Variants in KLHL1 observed in about 807,000 individuals in gnomAD.
KLHL1 encodes kelch like family member 1.
A neutral mutation model predicts 77.7 loss-of-function variants in KLHL1; 47 were observed. The observed-to-expected ratio is 0.60, with a 90% CI of 0.48 to 0.77. KLHL1 has a LOEUF of 0.77. Among genes scored for constraint, KLHL1 ranks in the 30% least tolerant of loss-of-function variants. The pLI, the probability that KLHL1 is intolerant of heterozygous loss-of-function variation, is 0.00. For missense variants in KLHL1, 925 were observed against 910.8 expected, an observed-to-expected ratio of 1.02 and a Z score of -0.20; for synonymous variants, 360 against 325.2, an observed-to-expected ratio of 1.11 and a Z score of -1.15.
At chr13:69,964,140 C>T (rs1884146968) in intron 2 of KLHL1, among the ~76,000 whole-genome samples, 1 of 152,098 alleles carries the variant, frequency 6.6e-6, no homozygotes, top group Non-Finnish European at 1.5e-5. Context: ...AACTCCTGGG[C>T]CCAAGCAATT....
intron 7 of KLHL1, among the ~76,000 whole-genome samples, chr13:69,762,629 C>T (rs1382443778): frequency 6.7e-6 from 1 of 150,004 alleles, no homozygotes; most frequent in Non-Finnish European, 1.5e-5. Flanking sequence ...TGGAACTGTG[C>T]ACCCATTGAA....
At chr13:69,808,976 G>T (rs1423653928) in intron 6 of KLHL1, among the ~76,000 whole-genome samples, 2 of 151,744 alleles carry the variant, frequency 1.3e-5, no homozygotes, top group South Asian at 4.2e-4. Context: ...AGAGATCAAA[G>T]ACTAATCCTT....
At chr13:70,075,779 A>G (rs1887256111) in intron 1 of KLHL1, among the ~76,000 whole-genome samples, 1 of 147,208 alleles carries the variant, frequency 6.8e-6, no homozygotes, top group Non-Finnish European at 1.5e-5. Flanking sequence ...ATATACATAT[A>G]TATGTATATA....
chr13:69,780,579 G>A (rs1193237445), intron 7 of KLHL1, among the ~76,000 whole-genome samples: 3 of 145,728 alleles, frequency 2.1e-5, no homozygotes, highest in African/African-American at 7.4e-5. Context: ...ATTGTATTAT[G>A]CTGATTTTTT....
intron 1 of KLHL1, among the ~76,000 whole-genome samples, chr13:70,050,980 A>G (rs932274676): frequency 6.6e-6 from 1 of 152,004 alleles, no homozygotes; most frequent in Non-Finnish European, 1.5e-5. Flanking sequence ...AATTTTAAAA[A>G]GAAATTAGCA....
intron 6 of KLHL1, among the ~76,000 whole-genome samples, chr13:69,838,398 T>C (rs1879113552): frequency 6.6e-6 from 1 of 151,808 alleles, no homozygotes; most frequent in Admixed American, 6.6e-5. Flanking sequence ...GAGGACAAAT[T>C]TTTGGAGATT....
At chr13:69,862,478 T>G (rs1880210719) in intron 5 of KLHL1, among the ~76,000 whole-genome samples, 1 of 152,112 alleles carries the variant, frequency 6.6e-6, no homozygotes, top group South Asian at 2.1e-4. Context: ...GTCTTAAACT[T>G]TGGTTTGTTG....
At chr13:69,857,139 A>T (rs1404010629) in intron 5 of KLHL1, among the ~76,000 whole-genome samples, 4 of 151,988 alleles carry the variant, frequency 2.6e-5, no homozygotes, top group Admixed American at 2.6e-4. Flanking sequence ...CATGACTTCT[A>T]TGCTGTAGAT....
intron 3 of KLHL1, among the ~76,000 whole-genome samples, chr13:69,957,221 C>A (rs1199101546): frequency 2.0e-5 from 3 of 151,624 alleles, no homozygotes; most frequent in Non-Finnish European, 4.4e-5. Context: ...GTCAATTTGA[C>A]ACATCTAAAC....
Position 69,975,659 on chromosome 13 carries a change from A to T in KLHL1, c.641T>A (p.Val214Asp), listed in dbSNP as rs1884524316. ...SYLKQQQLCD[V>D]ILIVGNRKIP... is the part of the protein sequence containing the mutation. Reference sequence around the variant, plus strand: ...CTTTCGGTTCCCAACAATCAGGATAACATCACAAAGTTGCTGCTGCTTCAA... The same window carrying T: ...CTTTCGGTTCCCAACAATCAGGATATCATCACAAAGTTGCTGCTGCTTCAA... The change falls in exon 2 of 11, where the codon GTT becomes GAT. Residue 214 changes from valine (V) to aspartate (D), a missense_variant. Physicochemically the swap from Val to Asp is radical, Grantham distance 152. Transcript: ENST00000377844. 1 of 1,613,500 alleles carries T rather than the reference A, an allele frequency of 6.2e-7. No homozygotes were observed. The highest frequency in any genetic ancestry group is 1.3e-5 in the African/African-American group (1 of 74,878).
intron 4 of KLHL1, among the ~76,000 whole-genome samples, chr13:69,916,636 T>C (rs1294707640): frequency 6.6e-6 from 1 of 151,946 alleles, no homozygotes; most frequent in Non-Finnish European, 1.5e-5. Flanking sequence ...ATATACGTAA[T>C]GTTAAATGAT....
chr13:70,017,105 C>T lies in KLHL1; in HGVS notation c.498-41303G>A, dbSNP rs551375238. Among the ~76,000 whole-genome samples the T allele has an allele frequency of 9.7e-4, 148 of 152,316 alleles. 1 individual carries two copies. The highest frequency in any genetic ancestry group is 3.1e-3 in the African/African-American group (130 of 41,586). Reference sequence around the variant, plus strand: ...GCTCTTCTCCACTTTGCTCACCCTCCAGTTTTCTGCATTCCTCATTCCTCC... The same window carrying T: ...GCTCTTCTCCACTTTGCTCACCCTCTAGTTTTCTGCATTCCTCATTCCTCC... On this transcript the variant is annotated intron_variant, in intron 1 of 10. Transcript: ENST00000377844.
At chr13:70,072,163 T>C (rs1485435337) in intron 1 of KLHL1, among the ~76,000 whole-genome samples, 2 of 152,094 alleles carry the variant, frequency 1.3e-5, no homozygotes, top group Non-Finnish European at 1.5e-5. Flanking sequence ...TAAGAAATAC[T>C]ATGCACAACT....
At position 69,994,279 on chromosome 13, in the gene KLHL1, T is replaced by C. The variant is rs147614619; in HGVS notation, c.498-18477A>G. 3.0e-4 allele frequency among the ~76,000 whole-genome samples: 45 copies of C among 152,196 alleles called. 1 individual carries two copies. In the East Asian group the frequency reaches 8.7e-3, roughly 30 times the overall value. ...GCCTGGTTGGGTAGGAGTGGAGCTC[T>C]GAGACTTGGAGACAATTAGAGGGCA... is the stretch of plus-strand genomic sequence containing the variant. On this transcript the variant is annotated intron_variant, in intron 1 of 10. Transcript: ENST00000377844.
At chr13:69,779,448 CTTTCCTTTTACTGTTGT>C (rs1443583217) in intron 7 of KLHL1, among the ~76,000 whole-genome samples, 12 of 146,864 alleles carry the variant, frequency 8.2e-5, no homozygotes, top group East Asian at 2.1e-4. Context: ...TCCTTCTTTC[CTTTCCTTTTACTGTTGT>C]TTTCCTTTTA....
intron 7 of KLHL1, among the ~76,000 whole-genome samples, chr13:69,744,666 C>T (rs999215939): frequency 2.6e-5 from 4 of 151,640 alleles, no homozygotes; most frequent in Admixed American, 2.0e-4. Context: ...ACACCCCCCC[C>T]AAAAGCTAAC....
chr13:69,741,678 C>A (rs1028190181), intron 7 of KLHL1, among the ~76,000 whole-genome samples: 2 of 152,138 alleles, frequency 1.3e-5, no homozygotes, highest in African/African-American at 4.8e-5. Context: ...GCCCTGACTT[C>A]ATTTTCCTTA....
At chr13:69,952,517 G>A (rs886194658) in intron 3 of KLHL1, among the ~76,000 whole-genome samples, 3 of 151,252 alleles carry the variant, frequency 2.0e-5, no homozygotes, top group African/African-American at 7.3e-5. Context: ...GTGCCATTTG[G>A]CTAGGACATT....
At chr13:70,007,558 G>A (rs1885435048) in intron 1 of KLHL1, among the ~76,000 whole-genome samples, 1 of 151,808 alleles carries the variant, frequency 6.6e-6, no homozygotes, top group African/African-American at 2.4e-5. Context: ...ATAATACTGA[G>A]ACTTGAAGAG....
Sources: gnomAD v4.1 joint callset for allele counts (sites outside exome capture counted in the v4.1 genomes callset) on GRCh38, gnomAD v4.1.1 for gene constraint, MANE v1.5 for transcripts, NCBI Gene and HGNC (gene_info 2026-07-23, HGNC 2026-07-21) for gene names.